Variants in TCP11 observed in about 807,000 individuals in gnomAD.
The protein encoded by TCP11 is T-complex protein 11 homolog.
TCP11 carries 34 observed loss-of-function variants against 45.0 expected under a neutral mutation model. The observed-to-expected ratio is 0.76, with a 90% CI of 0.57 to 1.01. The LOEUF is 1.01. Ranked by LOEUF, TCP11 falls within the 50% of genes least tolerant of loss-of-function variation. The pLI is 0.00. For synonymous variants in TCP11, 227 were observed against 227.0 expected (o/e 1.00, Z 0.00); for missense variants, 523 against 598.1 (o/e 0.87, Z 1.31).
rs751926479 is a variant in TCP11 at position 35,140,741 on chromosome 6, A to G, written c.124+6T>C. ...GGGGCCACAGGGACTGCCGAGCTGG[A>G]CCTACAGGGAGGGGGGTCCTCGGAG... On this transcript the variant is annotated splice_donor_region_variant and intron_variant, in intron 2 of 9. Coordinates refer to ENST00000311875, the MANE Select transcript of TCP11 (RefSeq NM_001370687.1). 2.6e-6 allele frequency: 4 copies of G among 1,525,516 alleles called. No homozygotes were observed. The highest frequency in any genetic ancestry group is 3.5e-6 in the Non-Finnish European group (4 of 1,141,272). The allele number at this position is 1,525,516 out of a possible 1,614,324, so 94.5% of individuals were successfully genotyped here. A position where few individuals can be genotyped will look rare whatever the true frequency, so the allele number is the denominator to read the frequency against.
chr6:35,140,740 G>T lies in TCP11; in HGVS notation c.124+7C>A, dbSNP rs1275735726. On this transcript the variant is annotated splice_region_variant and intron_variant, in intron 2 of 9. Transcript: ENST00000311875. ...GGGGGCCACAGGGACTGCCGAGCTGGACCTACAGGGAGGGGGGTCCTCGGA... is the reference window on the plus strand; with the variant it reads ...GGGGGCCACAGGGACTGCCGAGCTGTACCTACAGGGAGGGGGGTCCTCGGA... The T allele has an allele frequency of 2.6e-6, 4 of 1,526,322 alleles. No homozygotes were observed. The African/African-American group carries it at 4.2e-5, about 16-fold the overall frequency. The allele number at this position is 1,526,322 out of a possible 1,614,324, so 94.5% of individuals were successfully genotyped here. A position where few individuals can be genotyped will look rare whatever the true frequency, so the allele number is the denominator to read the frequency against.
intron 4 of TCP11, among the ~76,000 whole-genome samples, chr6:35,127,705 T>C (rs1779986565): frequency 6.6e-6 from 1 of 152,258 alleles, no homozygotes; most frequent in Non-Finnish European, 1.5e-5. Flanking sequence ...TCAGTGAAAC[T>C]GGCTGAATTT....
At chr6:35,121,488 G>C (rs1374225423) in intron 5 of TCP11, among the ~76,000 whole-genome samples, 1 of 150,242 alleles carries the variant, frequency 6.7e-6, no homozygotes, top group African/African-American at 2.5e-5. Flanking sequence ...TCTCCTCATA[G>C]TGTGTGAACC....
At chr6:35,132,420 A>G (rs556602646) in intron 3 of TCP11, among the ~76,000 whole-genome samples, 1 of 152,352 alleles carries the variant, frequency 6.6e-6, no homozygotes, top group East Asian at 1.9e-4. Flanking sequence ...TTATCAGTCT[A>G]ATCAGTCATT....
At position 35,140,764 on chromosome 6, in the gene TCP11, G is replaced by C. The variant is rs747971863; in HGVS notation, c.107C>G (p.Ser36Cys). ...GGACCTACAGGGAGGGGGGTCCTCG[G>C]AGCCGCTCTTGTCTTCCTGGGGGGG... ...SGPPQEDKSG[S>C]EDPPPFLSVT... is the part of the protein sequence containing the mutation. Residue 36 changes from serine to cysteine, a missense_variant, in exon 2 of 10, where the codon TCC (serine) becomes TGC (cysteine). Physicochemically the swap from Ser to Cys is moderately radical, Grantham distance 112 (BLOSUM62 -1). This residue lies in a region of TCP11 where 225 missense variants were observed against 210.2 expected (regional missense o/e 1.07). Coordinates refer to ENST00000311875, the MANE Select transcript of TCP11 (RefSeq NM_001370687.1). The C allele has an allele frequency of 5.2e-6, 8 of 1,529,982 alleles. No homozygotes were observed. The South Asian group carries it at 1.1e-4, about 20-fold the overall frequency. The allele number at this position is 1,529,982 out of a possible 1,614,324, so 94.8% of individuals were successfully genotyped here. A position where few individuals can be genotyped will look rare whatever the true frequency, so the allele number is the denominator to read the frequency against.
chr6:35,140,782 T>G lies in TCP11; in HGVS notation c.89A>C (p.Gln30Pro), dbSNP rs775498454. ...SCKPETSGPP[Q>P]EDKSGSEDPP... is the part of the protein sequence containing the mutation. ...GTCCTCGGAGCCGCTCTTGTCTTCCTGGGGGGGTCCTGAGGTTTCGGGCTT... is the reference window on the plus strand; with the variant it reads ...GTCCTCGGAGCCGCTCTTGTCTTCCGGGGGGGGTCCTGAGGTTTCGGGCTT... The change falls in exon 2 of 10, where the codon CAG becomes CCG. Residue 30 changes from glutamine to proline, a missense_variant. Physicochemically the swap from Gln to Pro is moderately conservative, Grantham distance 76. Coordinates refer to ENST00000311875, the MANE Select transcript of TCP11 (RefSeq NM_001370687.1). 1 of 1,531,126 alleles carries G rather than the reference T, an allele frequency of 6.5e-7. No individual in the cohort carries two copies. The highest frequency in any genetic ancestry group is 1.4e-5 in the African/African-American group (1 of 71,938). The allele number at this position is 1,531,126 out of a possible 1,614,324, so 94.8% of individuals were successfully genotyped here.
intron 3 of TCP11, 134 bp from the exon 4 acceptor site, chr6:35,129,316 T>C (rs1780160961): frequency 8.8e-7 from 1 of 1,139,572 alleles, no homozygotes; most frequent in Non-Finnish European, 1.2e-6. Context: ...AGGAACTATG[T>C]TGGAACTGCA....
chr6:35,135,336 T>C (rs963032775), intron 3 of TCP11, among the ~76,000 whole-genome samples: 22 of 152,060 alleles, frequency 1.4e-4, no homozygotes, highest in Admixed American at 1.4e-3. Flanking sequence ...ATATAGTACA[T>C]TATATATAGC....
Position 35,137,615 on chromosome 6 carries a change from A to G in TCP11, c.125-1397T>C, listed in dbSNP as rs550576741. 1.2e-4 allele frequency: 27 copies of G among 227,262 alleles called. No homozygotes were observed. The South Asian group carries it at 1.2e-3, about 10-fold the overall frequency. 14.1% of individuals were successfully genotyped at this position (227,262 alleles called of 1,614,324 possible). A position where few individuals can be genotyped will look rare whatever the true frequency, so the allele number is the denominator to read the frequency against. On this transcript the variant is annotated intron_variant, in intron 2 of 9. Coordinates refer to ENST00000311875, the MANE Select transcript of TCP11 (RefSeq NM_001370687.1). The stretch of plus-strand genomic sequence containing the variant: ...AGACCAGCATGGGTATTTGGCAACC[A>G]CTGTTCTAAGTTTTTAGTGCAGACC...
At chr6:35,127,519 C>CTATA (rs1303402872) in intron 4 of TCP11, among the ~76,000 whole-genome samples, 3 of 152,202 alleles carry the variant, frequency 2.0e-5, no homozygotes, top group African/African-American at 7.2e-5. Context: ...TAGATAACAA[C>CTATA]TATAGCCTTG....
intron 1 of TCP11, 76 bp from the exon 2 acceptor site, chr6:35,140,960 G>A (rs1031374385): frequency 3.6e-5 from 52 of 1,441,840 alleles, no homozygotes; most frequent in Non-Finnish European, 4.7e-5. Context: ...CCCTGGGGGC[G>A]GCGGGAAGGG....
chr6:35,125,491 A>G (rs1779724266), intron 4 of TCP11, among the ~76,000 whole-genome samples: 1 of 152,232 alleles, frequency 6.6e-6, no homozygotes. Flanking sequence ...TAGAATGGCC[A>G]TTACCAAAAA....
intron 4 of TCP11, chr6:35,128,570 T>TGCCACATACTAGAAAGACATTGCAAA (rs1780073853): frequency 6.5e-6 from 1 of 153,154 alleles, no homozygotes; most frequent in South Asian, 2.0e-4. Context: ...ACGGTATGTC[T>TGCCACATACTAGAAAGACATTGCAAA]GCCACATACT....
At chr6:35,140,617 G>T (rs9380493) in intron 2 of TCP11, 130 bp downstream of exon 2, 1 of 700,830 alleles carries the variant, frequency 1.4e-6, no homozygotes, top group Non-Finnish European at 2.6e-6. Flanking sequence ...AAGGCGGGTG[G>T]GGGAGAAACG....
Position 35,136,119 on chromosome 6 carries a change from A to G in TCP11, c.224T>C (p.Leu75Ser). 4 of 1,613,528 alleles carry G rather than the reference A, an allele frequency of 2.5e-6. No homozygotes were observed. Among genetic ancestry groups the G allele is most frequent in the Non-Finnish European group, 2.5e-6 (3 of 1,179,662 alleles). ...GAAGAGTCTATACCTGCTTGGAGGT[A>G]AAACCTTCTCTTCCATGTAGTAATC... ...NCDYYMEEKV[L>S]PPSSLEGKVK... The change falls in exon 3 of 10, where the codon TTA becomes TCA. Residue 75 changes from leucine to serine, a missense_variant. Around this residue, in one of 2 missense-constraint regions of TCP11, gnomAD observed 225 missense variants for 210.2 expected, o/e 1.07. Transcript: ENST00000311875.
chr6:35,137,912 T>C, intron 2 of TCP11: 1 of 403,226 alleles, frequency 2.5e-6, no homozygotes, highest in East Asian at 7.6e-5. Context: ...AAATGTATAA[T>C]TTTTCTATAG....
rs1781744507 is a variant in TCP11 at position 35,141,216 on chromosome 6, C to A, written c.-26G>T. The A allele has an allele frequency of 2.8e-6, 4 of 1,405,476 alleles. No individual in the cohort carries two copies. Among genetic ancestry groups the A allele is most frequent in the Non-Finnish European group, 1.8e-6 (2 of 1,081,506 alleles). 87.1% of individuals were successfully genotyped at this position (1,405,476 alleles called of 1,614,324 possible). A position where few individuals can be genotyped will look rare whatever the true frequency, so the allele number is the denominator to read the frequency against. On this transcript the variant is annotated 5_prime_UTR_variant, in exon 1 of 10. Transcript: ENST00000311875. ...TCCCAGGCCGTCACCTCCTCCTCCC[C>A]CGCCGCGGGTCATCCACTGGCGTCC...
At chr6:35,118,628 G>T in intron 9 of TCP11, 127 bp from the exon 10 acceptor site, 1 of 804,350 alleles carries the variant, frequency 1.2e-6, no homozygotes, top group Non-Finnish European at 1.9e-6. Context: ...CCTACCTAGA[G>T]ATAATGAAAT....
chr6:35,124,137 C>T (rs1779582719), intron 4 of TCP11, among the ~76,000 whole-genome samples: 1 of 152,140 alleles, frequency 6.6e-6, no homozygotes, highest in African/African-American at 2.4e-5. Flanking sequence ...TTTGTGTTTG[C>T]TACTTTGACA....
Sources: gnomAD v4.1 joint callset for allele counts (sites outside exome capture counted in the v4.1 genomes callset) on GRCh38, gnomAD v4.1.1 for gene constraint, gnomAD v4.1.1 regional missense constraint, MANE v1.5 for transcripts, NCBI Gene and HGNC (gene_info 2026-07-23, HGNC 2026-07-21) for gene names.